The following SORCS1 variants were observed in gnomAD, a reference collection of about 807,000 sequenced individuals.
SORCS1 encodes the protein VPS10 domain-containing receptor SorCS1.
Under a neutral mutation model 146.1 loss-of-function variants are expected in SORCS1, and 60 were observed. The observed-to-expected ratio is 0.41, with a 90% CI of 0.33 to 0.51. SORCS1 has a LOEUF of 0.51. SORCS1 is among the 20% of genes least tolerant of loss of function. The pLI is 0.21. For missense variants in SORCS1, 1,352 were observed against 1,487.6 expected (o/e 0.91, Z 1.50); for synonymous variants, 637 against 584.0 (o/e 1.09, Z -1.31).
chr10:106,975,417 C>CG (rs1797886122), intron 1 of SORCS1, among the ~76,000 whole-genome samples: 1 of 152,184 alleles, frequency 6.6e-6, no homozygotes, highest in African/African-American at 2.4e-5. Context: ...AGCATTTTAT[C>CG]GGGCTCAGAG....
the SORCS1 span, among the ~76,000 whole-genome samples, chr10:107,180,802 T>C: frequency 6.6e-6 from 1 of 152,134 alleles, no homozygotes; most frequent in Non-Finnish European, 1.5e-5. Flanking sequence ...AATGCTTCCT[T>C]AGGATATTTT....
intron 1 of SORCS1, among the ~76,000 whole-genome samples, chr10:107,163,406 A>C (rs930837508): frequency 6.6e-6 from 1 of 151,974 alleles, no homozygotes; most frequent in African/African-American, 2.4e-5. Context: ...ACTTGCATCC[A>C]CTTGGTCCCT....
chr10:107,002,452 G>C (rs1345259142), intron 1 of SORCS1, among the ~76,000 whole-genome samples: 1 of 152,022 alleles, frequency 6.6e-6, no homozygotes, highest in Non-Finnish European at 1.5e-5. Flanking sequence ...CACTCTTTTG[G>C]GCCATTAGAT....
chr10:106,601,800 G>A (rs1220702984), intron 23 of SORCS1, among the ~76,000 whole-genome samples: 1 of 152,178 alleles, frequency 6.6e-6, no homozygotes, highest in Non-Finnish European at 1.5e-5. Context: ...GGGAAAAGGA[G>A]CTAGCAAAAT....
intron 1 of SORCS1, among the ~76,000 whole-genome samples, chr10:106,982,051 G>A (rs576878025): frequency 2.0e-5 from 3 of 152,230 alleles, no homozygotes; most frequent in East Asian, 1.9e-4. Flanking sequence ...TACATTAGCC[G>A]AGGCACAGTA....
intron 2 of SORCS1, among the ~76,000 whole-genome samples, chr10:106,888,119 T>C (rs58286553): frequency 0.041 from 6,284 of 152,302 alleles, 426 homozygotes; most frequent in African/African-American, 0.14. Flanking sequence ...GAACGTTCTT[T>C]GGGTTTTTAT....
chr10:106,615,411 C>T lies in SORCS1; in HGVS notation c.2920+2738G>A, dbSNP rs11598721. 1.6e-3 allele frequency among the ~76,000 whole-genome samples: 246 copies of T among 152,312 alleles called. 1 individual carries two copies. Among genetic ancestry groups the T allele is most frequent in the Non-Finnish European group, 2.9e-3 (196 of 68,018 alleles). On this transcript the variant is annotated intron_variant, in intron 21 of 25. Coordinates refer to ENST00000263054, the MANE Select transcript of SORCS1 (RefSeq NM_052918.5). ...TCCAGTATTTTCCCACTAGCTAACCCCAGCGTTTACAAATCTTCCTGCTTT... is the reference window on the plus strand; with the variant it reads ...TCCAGTATTTTCCCACTAGCTAACCTCAGCGTTTACAAATCTTCCTGCTTT...
intron 1 of SORCS1, among the ~76,000 whole-genome samples, chr10:107,075,806 A>G (rs1249820179): frequency 6.6e-6 from 1 of 152,098 alleles, no homozygotes; most frequent in Non-Finnish European, 1.5e-5. Flanking sequence ...GTGTGTTCCC[A>G]TCAAGAAAAG....
rs573339119 is a variant in SORCS1, at chr10:106,990,928, T to A, written c.559-34348A>T. Among the ~76,000 whole-genome samples, 46 of 152,250 alleles carry A rather than the reference T, an allele frequency of 3.0e-4. No individual in the cohort carries two copies. In the East Asian group the frequency reaches 5.8e-3, roughly 19 times the overall value. Reference sequence around the variant, plus strand: ...TGCAAAATGAATGATTTTAAATTTGTGATTTCACAGTTATAATGCAGCTAA... The same window carrying A: ...TGCAAAATGAATGATTTTAAATTTGAGATTTCACAGTTATAATGCAGCTAA... On this transcript the variant is annotated intron_variant, in intron 1 of 25. Transcript: ENST00000263054.
At chr10:106,930,908 G>C (rs1189784429) in intron 2 of SORCS1, among the ~76,000 whole-genome samples, 1 of 152,152 alleles carries the variant, frequency 6.6e-6, no homozygotes, top group African/African-American at 2.4e-5. Context: ...GGTAATTTCA[G>C]CAGATCTCAG....
chr10:106,889,689 G>A (rs926550714), intron 2 of SORCS1, among the ~76,000 whole-genome samples: 4 of 152,076 alleles, frequency 2.6e-5, no homozygotes, highest in African/African-American at 9.7e-5. Flanking sequence ...CACCAGGTCA[G>A]GAGATCAAGA....
intron 8 of SORCS1, among the ~76,000 whole-genome samples, chr10:106,699,860 T>C (rs1164295217): frequency 2.0e-5 from 3 of 152,174 alleles, no homozygotes; most frequent in South Asian, 2.1e-4. Context: ...TGGAAGCTTA[T>C]TAAACATATA....
intron 1 of SORCS1, among the ~76,000 whole-genome samples, chr10:106,988,749 C>G (rs1315334944): frequency 6.6e-6 from 1 of 152,038 alleles, no homozygotes; most frequent in African/African-American, 2.4e-5. Context: ...AATCAGGTCT[C>G]AAAATGTGAC....
intron 3 of SORCS1, among the ~76,000 whole-genome samples, chr10:106,807,510 G>T (rs1273795706): frequency 6.6e-6 from 1 of 152,124 alleles, no homozygotes; most frequent in Non-Finnish European, 1.5e-5. Flanking sequence ...AATTTCTCTT[G>T]GTTGGTGATT....
intron 1 of SORCS1, among the ~76,000 whole-genome samples, chr10:106,992,035 G>A (rs538256247): frequency 7.2e-6 from 1 of 139,450 alleles, no homozygotes; most frequent in African/African-American, 3.5e-5. Flanking sequence ...GACTCGTTGT[G>A]AATATTGCCT....
At chr10:106,584,102 A>G (rs549598195) in intron 24 of SORCS1, among the ~76,000 whole-genome samples, 1 of 152,248 alleles carries the variant, frequency 6.6e-6, no homozygotes, top group African/African-American at 2.4e-5. Context: ...TTCAGGCTTG[A>G]GTTATATGCT....
At chr10:106,967,923 T>G (rs1327819887) in intron 1 of SORCS1, among the ~76,000 whole-genome samples, 1 of 149,172 alleles carries the variant, frequency 6.7e-6, no homozygotes, top group African/African-American at 2.5e-5. Context: ...AGACAAAAAA[T>G]GCCGGGTGTG....
intron 4 of SORCS1, among the ~76,000 whole-genome samples, chr10:106,775,302 C>T (rs1390102473): frequency 1.3e-5 from 2 of 152,160 alleles, no homozygotes; most frequent in Non-Finnish European, 2.9e-5. Context: ...GGACCAGATG[C>T]ACTGTGGCTT....
intron 1 of SORCS1, among the ~76,000 whole-genome samples, chr10:106,998,276 C>G (rs1272518895): frequency 1.3e-5 from 2 of 152,206 alleles, no homozygotes; most frequent in Non-Finnish European, 2.9e-5. Context: ...AAGCTCATGC[C>G]TTTGCAGTGT....
Sources: gnomAD v4.1 joint callset for allele counts (sites outside exome capture counted in the v4.1 genomes callset) on GRCh38, gnomAD v4.1.1 for gene constraint, MANE v1.5 for transcripts, NCBI Gene and HGNC (gene_info 2026-07-23, HGNC 2026-07-21) for gene names.